The following CIZ1 variants were observed in gnomAD, a reference collection of about 807,000 sequenced individuals.
CIZ1 encodes CDKN1A interacting zinc finger protein 1.
CIZ1 carries 58 observed loss-of-function variants against 118.6 expected under a neutral mutation model. The observed-to-expected ratio is 0.49, with a 90% CI of 0.40 to 0.61. The LOEUF (loss-of-function observed/expected upper bound fraction) is 0.61, where lower values mean the gene tolerates loss of function less well. CIZ1 is among the 20% of genes least tolerant of loss of function. The probability of loss-of-function intolerance (pLI) is 0.00; values close to 1 mark genes in which losing one functional copy is unlikely to be tolerated. For missense variants in CIZ1, 921 were observed against 1,115.9 expected (o/e 0.83, Z 2.49); for synonymous variants, 448 against 443.4 (o/e 1.01, Z -0.13).
chr9:128,167,159 C>T lies in CIZ1; in HGVS notation c.2301G>A (p.Arg767=). Residue 767 remains arginine, a synonymous_variant, in exon 15 of 17, where the codon AGG becomes AGA. Coordinates refer to ENST00000372938, the MANE Select transcript of CIZ1 (RefSeq NM_001131016.2). The part of the protein sequence containing the change: ...EVEEELCKQV[R]SRDISREEWK... ...ACTCCTCTCTGGATATATCTCTGGA[C>T]CTCACCTGAAAACATGCAAGTGTGG... 5.7e-6 allele frequency: 9 copies of T among 1,585,542 alleles called. No individual in the cohort carries two copies. The highest frequency in any genetic ancestry group is 7.7e-6 in the Non-Finnish European group (9 of 1,166,020).
Position 128,178,892 on chromosome 9 carries a change from C to A in CIZ1, c.1315G>T (p.Ala439Ser). ...TQTYPQVHTQ[A>S]QPSVQPQEHP... ...TCCTGTGGCTGGACGCTTGGCTGTG[C>A]CTGTGTGTGGACCTGTGGATATGTC... The change falls in exon 8 of 17, where the codon GCA becomes TCA. Residue 439 changes from alanine to serine, a missense_variant. By Grantham distance (99) the Ala-to-Ser change is moderately conservative. Transcript: ENST00000372938. 1.2e-6 allele frequency: 2 copies of A among 1,614,246 alleles called. No homozygotes were observed. The highest frequency in any genetic ancestry group is 2.2e-5 in the South Asian group (2 of 91,092).
intron 9 of CIZ1, 29 bp from the exon 10 acceptor site, chr9:128,177,792 A>G: frequency 1.3e-6 from 2 of 1,501,660 alleles, no homozygotes; most frequent in Non-Finnish European, 1.8e-6. Context: ...CTGAACTTCC[A>G]TCAACTGTGT....
intron 5 of CIZ1, among the ~76,000 whole-genome samples, chr9:128,184,489 ATTTT>A (rs35204850): frequency 8.9e-6 from 1 of 112,116 alleles, no homozygotes; most frequent in Non-Finnish European, 1.7e-5. Flanking sequence ...GGCAGTGCTG[ATTTT>A]TTTTTTTTTT....
chr9:128,190,527 T>C, intron 2 of CIZ1, 83 bp from the exon 3 acceptor site: 1 of 1,363,810 alleles, frequency 7.3e-7, no homozygotes, highest in South Asian at 1.2e-5. Flanking sequence ...CTCCATTCTC[T>C]GCCCCACTCT....
upstream of CIZ1, among the ~76,000 whole-genome samples, chr9:128,194,516 T>C (rs1833329108): frequency 6.6e-6 from 1 of 152,014 alleles, no homozygotes; most frequent in Non-Finnish European, 1.5e-5. Flanking sequence ...TTTTCTTTTT[T>C]CTTTTTAAGG....
chr9:128,171,616 A>G (rs1460154680), intron 11 of CIZ1, among the ~76,000 whole-genome samples: 3 of 151,584 alleles, frequency 2.0e-5, no homozygotes, highest in Non-Finnish European at 4.4e-5. Context: ...ACGCGCCTGT[A>G]ATCCCAGCTA....
At chr9:128,169,812 G>T in intron 12 of CIZ1, 1 of 1,171,378 alleles carries the variant, frequency 8.5e-7, no homozygotes, top group Non-Finnish European at 1.2e-6. Flanking sequence ...CTGAATGGCA[G>T]GTGAGATGGG....
In CIZ1 at chr9:128,178,423, C is replaced by T. The variant is rs767099878; in HGVS notation, c.1566G>A (p.Ser522=). 6.8e-6 allele frequency: 11 copies of T among 1,614,136 alleles called. No individual in the cohort carries two copies. Among genetic ancestry groups the T allele is most frequent in the Admixed American group, 1.7e-5 (1 of 59,978 alleles). ...ATTCTCCCACATCTAGGCCACAGGC[C>T]GACTCATTCTGAATCTCTTCCATGC... ...QVSMEEIQNE[S]ACGLDVGECE... is the part of the protein sequence containing the mutation. Residue 522 remains serine, a synonymous_variant, in exon 9 of 17, where the codon TCG becomes TCA. Coordinates refer to ENST00000372938, the MANE Select transcript of CIZ1 (RefSeq NM_001131016.2).
At chr9:128,190,635 AC>A in intron 2 of CIZ1, 52 bp downstream of exon 2, 2 of 1,530,820 alleles carry the variant, frequency 1.3e-6, no homozygotes, top group South Asian at 2.4e-5. Flanking sequence ...GAGCTCCGAG[AC>A]ATGGGTCTGA....
At chr9:128,174,042 A>G (rs1830559754) in intron 11 of CIZ1, among the ~76,000 whole-genome samples, 2 of 151,856 alleles carry the variant, frequency 1.3e-5, no homozygotes, top group African/African-American at 4.8e-5. Context: ...AAAAACAAAG[A>G]AATAGCTAAG....
At chr9:128,171,036 G>A (rs958620405) in intron 11 of CIZ1, among the ~76,000 whole-genome samples, 12 of 152,132 alleles carry the variant, frequency 7.9e-5, no homozygotes, top group Admixed American at 2.6e-4. Flanking sequence ...TGAGGTGGGA[G>A]GATTGCTTGA....
chr9:128,201,742 A>G (rs1447798303), intron 1 of CIZ1, among the ~76,000 whole-genome samples: 2 of 152,224 alleles, frequency 1.3e-5, no homozygotes, highest in African/African-American at 4.8e-5. Context: ...TGTGCCCTAC[A>G]CAGGCATTTG....
intron 3 of CIZ1, among the ~76,000 whole-genome samples, chr9:128,189,221 G>A (rs1832825095): frequency 6.6e-6 from 1 of 152,194 alleles, no homozygotes; most frequent in Admixed American, 6.5e-5. Flanking sequence ...ACAGGCGTGA[G>A]CCACAACCCA....
rs752818720 is a variant in CIZ1 at position 128,190,639 on chromosome 9, G to A, written c.170+49C>T. ...ATGGGGATCGGGAGCTCCGAGACAT[G>A]GGTCTGAGTAGCAAGGCTGAAGCCA... On this transcript the variant is annotated intron_variant, in intron 2 of 16. Coordinates refer to ENST00000372938, the MANE Select transcript of CIZ1 (RefSeq NM_001131016.2). The A allele has an allele frequency of 3.4e-5, 52 of 1,532,248 alleles. No homozygotes were observed. In the Admixed American group the frequency reaches 7.5e-4, roughly 22 times the overall value. 94.9% of individuals were successfully genotyped at this position (1,532,248 alleles called of 1,614,324 possible). A position where few individuals can be genotyped will look rare whatever the true frequency, so the allele number is the denominator to read the frequency against.
At chr9:128,183,357 C>A (rs1022928607) in intron 5 of CIZ1, among the ~76,000 whole-genome samples, 2 of 152,108 alleles carry the variant, frequency 1.3e-5, no homozygotes, top group African/African-American at 4.8e-5. Context: ...TTTTTCCATA[C>A]GTAAAAAAAT....
chr9:128,200,475 T>C (rs1383424965), intron 1 of CIZ1, among the ~76,000 whole-genome samples: 1 of 151,476 alleles, frequency 6.6e-6, no homozygotes, highest in Non-Finnish European at 1.5e-5. Context: ...CTGGCCAAGA[T>C]GATGAAACCC....
chr9:128,176,309 T>C (rs1396205053), intron 11 of CIZ1, 42 bp downstream of exon 11: 1 of 1,603,508 alleles, frequency 6.2e-7, no homozygotes, highest in Non-Finnish European at 8.5e-7. Flanking sequence ...CCGATGAGAC[T>C]GCCTACCCCC....
At position 128,167,098 on chromosome 9, in the gene CIZ1, A is replaced by G; in HGVS notation, c.2362T>C (p.Tyr788His). 6.3e-7 allele frequency: 1 copy of G among 1,598,514 alleles called. No homozygotes were observed. Among genetic ancestry groups the G allele is most frequent in the Non-Finnish European group, 8.5e-7 (1 of 1,171,952 alleles). The change falls in exon 15 of 17, where the codon TAT becomes CAT. Residue 788 changes from tyrosine (Y) to histidine (H), a missense_variant. Transcript: ENST00000372938. ...GSETYSPNTA[Y>H]GVDFLVPVMG... ...GGGCTCAGAGCTGGGGCCTTACCAT[A>G]TGCAGTATTGGGGCTGTAGGTCTCC... is the stretch of plus-strand genomic sequence containing the variant.
rs1375813693 is a variant in CIZ1, at chr9:128,203,751, G to A, written c.-6+435C>T. Reference sequence around the variant, plus strand: ...CCGACGCTGCACCCGCGGCCGGCGCGCCCCCCACCCCCAGCCGGAGCGAGG... The same window carrying A: ...CCGACGCTGCACCCGCGGCCGGCGCACCCCCCACCCCCAGCCGGAGCGAGG... On this transcript the variant is annotated intron_variant, in intron 1 of 17. Transcript: ENST00000372948. This position sits in a 1 kb window ranked among gnomAD's most constrained non-coding sequence, Gnocchi z 5.3. 5.6e-5 allele frequency: 52 copies of A among 930,614 alleles called. No homozygotes were observed. The highest frequency in any genetic ancestry group is 7.8e-5 in the South Asian group (2 of 25,648). The allele number at this position is 930,614 out of a possible 1,614,324, so 57.6% of individuals were successfully genotyped here. A position where few individuals can be genotyped will look rare whatever the true frequency, so the allele number is the denominator to read the frequency against.
Sources: gnomAD v4.1 joint callset for allele counts (sites outside exome capture counted in the v4.1 genomes callset) on GRCh38, gnomAD v4.1.1 for gene constraint, Gnocchi (gnomAD v3.1) non-coding constraint, MANE v1.5 for transcripts, NCBI Gene and HGNC (gene_info 2026-07-23, HGNC 2026-07-21) for gene names.